The following IGFBP7 variants were observed in gnomAD, a reference collection of about 807,000 sequenced individuals.
IGFBP7 encodes the protein insulin like growth factor binding protein 7, also known as insulin-like growth factor-binding protein 7.
In IGFBP7, 31 loss-of-function variants were observed where a neutral mutation model predicts 29.4. The ratio of observed to expected loss-of-function variants is 1.05; its 90% confidence interval spans 0.79 to 1.42. The LOEUF (loss-of-function observed/expected upper bound fraction) is 1.42, where lower values mean the gene tolerates loss of function less well. Ranked by LOEUF, IGFBP7 falls within the 40% of genes most tolerant of loss-of-function variation. IGFBP7 has a pLI of 0.00. For synonymous variants in IGFBP7, 172 were observed against 174.9 expected (o/e 0.98, Z 0.13); for missense variants, 393 against 395.5 (o/e 0.99, Z 0.05).
rs562533353 is a variant in IGFBP7, at chr4:57,032,623, A to G, written c.703-71T>C. On this transcript the variant is annotated intron_variant, in intron 3 of 4. Coordinates refer to ENST00000295666, the MANE Select transcript of IGFBP7 (RefSeq NM_001553.3). ...TTTTGTCAGTGGTTCCAGTGAGGTC[A>G]TTATTTCATAAATTTCCTAAGATGA... 4.1e-6 allele frequency: 5 copies of G among 1,213,782 alleles called. No individual in the cohort carries two copies. The South Asian group carries it at 6.0e-5, about 15-fold the overall frequency. The allele number at this position is 1,213,782 out of a possible 1,614,324, so 75.2% of individuals were successfully genotyped here.
At chr4:57,088,457 T>C (rs1725550764) in intron 1 of IGFBP7, among the ~76,000 whole-genome samples, 1 of 152,200 alleles carries the variant, frequency 6.6e-6, no homozygotes, top group Non-Finnish European at 1.5e-5. Context: ...CAATCATTCC[T>C]ACCACTCTCA....
intron 1 of IGFBP7, among the ~76,000 whole-genome samples, chr4:57,085,004 G>A (rs1725464731): frequency 6.6e-6 from 1 of 151,744 alleles, no homozygotes; most frequent in East Asian, 1.9e-4. Flanking sequence ...GCCTGGGCTG[G>A]TCTCGAACTC....
chr4:57,056,982 A>G (rs1724689189), intron 1 of IGFBP7, among the ~76,000 whole-genome samples: 1 of 152,042 alleles, frequency 6.6e-6, no homozygotes, highest in Non-Finnish European at 1.5e-5. Context: ...CACAGAAAGG[A>G]GTTTTTCATG....
At chr4:57,041,549 T>A (rs922462852) in intron 1 of IGFBP7, among the ~76,000 whole-genome samples, 2 of 152,060 alleles carry the variant, frequency 1.3e-5, no homozygotes, top group African/African-American at 4.8e-5. Context: ...TATTATTATT[T>A]TTTTGATACA....
At chr4:57,088,287 T>G (rs1307748863) in intron 1 of IGFBP7, among the ~76,000 whole-genome samples, 1 of 152,142 alleles carries the variant, frequency 6.6e-6, no homozygotes, top group Non-Finnish European at 1.5e-5. Flanking sequence ...GTTTAGTGCT[T>G]TTTACAGCAC....
At chr4:57,035,917 T>C (rs983583353) in intron 2 of IGFBP7, among the ~76,000 whole-genome samples, 1 of 152,230 alleles carries the variant, frequency 6.6e-6, no homozygotes, top group Admixed American at 6.5e-5. Flanking sequence ...ACAATGTCTG[T>C]TAACACTGAA....
At chr4:57,033,834 C>T (rs1044045325) in intron 2 of IGFBP7, among the ~76,000 whole-genome samples, 2 of 151,974 alleles carry the variant, frequency 1.3e-5, no homozygotes. Context: ...TAAAAAACAC[C>T]TATCAAAGGA....
intron 1 of IGFBP7, among the ~76,000 whole-genome samples, chr4:57,057,773 T>TA (rs1724708895): frequency 1.3e-5 from 2 of 152,284 alleles, no homozygotes; most frequent in South Asian, 4.1e-4. Context: ...CTTCAAGCAC[T>TA]AAGACAATGC....
chr4:57,073,936 C>A (rs1487783563), intron 1 of IGFBP7, among the ~76,000 whole-genome samples: 2 of 152,192 alleles, frequency 1.3e-5, no homozygotes, highest in Non-Finnish European at 2.9e-5. Context: ...GATGGGAGGA[C>A]CTAGCGACTT....
chr4:57,071,409 T>C (rs1333895559), intron 1 of IGFBP7, among the ~76,000 whole-genome samples: 10 of 152,224 alleles, frequency 6.6e-5, no homozygotes, highest in Non-Finnish European at 1.5e-4. Flanking sequence ...TGTGTCTATT[T>C]CCTTTCTTTA....
In IGFBP7 at chr4:57,110,243, G is replaced by T; in HGVS notation, c.109C>A (p.Pro37Thr). 7.2e-7 allele frequency: 1 copy of T among 1,391,248 alleles called. No individual in the cohort carries two copies. The highest frequency in any genetic ancestry group is 9.3e-7 in the Non-Finnish European group (1 of 1,075,078). 86.2% of individuals were successfully genotyped at this position (1,391,248 alleles called of 1,614,324 possible). A position where few individuals can be genotyped will look rare whatever the true frequency, so the allele number is the denominator to read the frequency against. ...GGGGGCAGGGGCGGGCAGGAGGCCG[G>T]CTCGCAGGGGCCGCAGGTGTCCGAA... ...SSSDTCGPCE[P>T]ASCPPLPPLG... The change falls in exon 1 of 5, where the codon CCG becomes ACG. Residue 37 changes from proline (P) to threonine (T), a missense_variant. Pro to Thr is a conservative substitution (Grantham distance 38). Coordinates refer to ENST00000295666, the MANE Select transcript of IGFBP7 (RefSeq NM_001553.3).
intron 1 of IGFBP7, among the ~76,000 whole-genome samples, chr4:57,051,688 C>G (rs1313284143): frequency 6.6e-6 from 1 of 152,202 alleles, no homozygotes; most frequent in African/African-American, 2.4e-5. Flanking sequence ...ATCAGGAATT[C>G]TGCTCTACCA....
intron 1 of IGFBP7, among the ~76,000 whole-genome samples, chr4:57,070,363 C>T (rs1725026853): frequency 6.6e-6 from 1 of 152,198 alleles, no homozygotes; most frequent in Non-Finnish European, 1.5e-5. Context: ...TCTATCCCGT[C>T]CCTTCCCCAC....
chr4:57,060,872 T>C (rs577203377), intron 1 of IGFBP7, among the ~76,000 whole-genome samples: 16 of 152,214 alleles, frequency 1.1e-4, no homozygotes, highest in African/African-American at 3.6e-4. Flanking sequence ...TGAGCTATGA[T>C]TGCGCCACTG....
chr4:57,071,345 G>A (rs10516163), intron 1 of IGFBP7, among the ~76,000 whole-genome samples: 1 of 152,040 alleles, frequency 6.6e-6, no homozygotes, highest in Non-Finnish European at 1.5e-5. Flanking sequence ...GTCTGCATGC[G>A]TTAGGAGAGC....
At chr4:57,086,473 T>C (rs1222656978) in intron 1 of IGFBP7, among the ~76,000 whole-genome samples, 1 of 152,118 alleles carries the variant, frequency 6.6e-6, no homozygotes, top group Non-Finnish European at 1.5e-5. Context: ...TATGTTGAGA[T>C]TTACCTATTA....
chr4:57,052,131 G>T (rs1306451574), intron 1 of IGFBP7, among the ~76,000 whole-genome samples: 1 of 152,108 alleles, frequency 6.6e-6, no homozygotes, highest in Non-Finnish European at 1.5e-5. Context: ...GATGGGACAT[G>T]GCGGGGATTA....
At chr4:57,044,568 CT>C (rs553048144) in intron 1 of IGFBP7, among the ~76,000 whole-genome samples, 77 of 152,268 alleles carry the variant, frequency 5.1e-4, no homozygotes, top group Middle Eastern at 6.8e-3. Flanking sequence ...TTTTCCTCCC[CT>C]AAAAGGACAT....
intron 1 of IGFBP7, among the ~76,000 whole-genome samples, chr4:57,096,040 T>C (rs1725754439): frequency 6.6e-6 from 1 of 152,048 alleles, no homozygotes; most frequent in Non-Finnish European, 1.5e-5. Flanking sequence ...ACTGGGCTAA[T>C]GGAGCGTATG....
Sources: allele counts gnomAD v4.1 joint callset (sites outside exome capture counted in the v4.1 genomes callset), GRCh38; gene constraint gnomAD v4.1.1; transcripts MANE v1.5; gene names NCBI Gene and HGNC (gene_info 2026-07-23, HGNC 2026-07-21).